Variants in LAMA4 observed in about 807,000 individuals in gnomAD.
LAMA4 encodes laminin subunit alpha-4.
LAMA4 carries 127 observed loss-of-function variants against 207.1 expected under a neutral mutation model. That is an observed-to-expected ratio of 0.61 (90% confidence interval 0.53 to 0.71). LAMA4 has a LOEUF of 0.71. Among genes scored for constraint, LAMA4 ranks in the 30% least tolerant of loss-of-function variants. LAMA4 has a pLI of 0.00. For missense variants in LAMA4, 2,093 were observed against 2,246.5 expected (o/e 0.93, Z 1.38); for synonymous variants, 761 against 816.0 (o/e 0.93, Z 1.15).
intron 31 of LAMA4, among the ~76,000 whole-genome samples, chr6:112,124,576 A>G (rs1554327005): frequency 6.6e-6 from 1 of 152,090 alleles, no homozygotes. Flanking sequence ...GTGATTCTCA[A>G]TGAACTCCAC....
rs782762721 is a variant in LAMA4, at chr6:112,155,714, T to C, written c.1818-8A>G. On this transcript the variant is annotated splice_region_variant and splice_polypyrimidine_tract_variant and intron_variant, in intron 14 of 38. Coordinates refer to ENST00000230538, the MANE Select transcript of LAMA4 (RefSeq NM_001105206.3). ...TCTGAACTGTGCAACTTCCTGTTAA[T>C]AAACAAACATTGTTATTTCTCCTTC... The C allele has an allele frequency of 3.1e-6, 5 of 1,613,970 alleles. No individual in the cohort carries two copies. Among genetic ancestry groups the C allele is most frequent in the East Asian group, 2.2e-5 (1 of 44,884 alleles).
At chr6:112,179,789 C>A in intron 9 of LAMA4, 1 of 345,078 alleles carries the variant, frequency 2.9e-6, no homozygotes, top group Non-Finnish European at 5.9e-6. Context: ...GGGTAATCCC[C>A]TCCCTACAGA....
At chr6:112,163,482 T>C (rs1781199396) in intron 13 of LAMA4, among the ~76,000 whole-genome samples, 1 of 152,084 alleles carries the variant, frequency 6.6e-6, no homozygotes, top group African/African-American at 2.4e-5. Context: ...GTAGAGGCCA[T>C]GAGCGGTACC....
chr6:112,120,983 A>C (rs1778324197), intron 32 of LAMA4, among the ~76,000 whole-genome samples: 1 of 152,120 alleles, frequency 6.6e-6, no homozygotes, highest in Non-Finnish European at 1.5e-5. Context: ...CTAAGGTGGG[A>C]AGATCACTTG....
chr6:112,238,480 C>A (rs1407602757), intron 2 of LAMA4, among the ~76,000 whole-genome samples: 1 of 152,056 alleles, frequency 6.6e-6, no homozygotes, highest in Non-Finnish European at 1.5e-5. Context: ...GAGGCCGAGA[C>A]GGTTGGATCA....
Position 112,224,078 on chromosome 6 carries a change from T to C in LAMA4, c.196-7609A>G, listed in dbSNP as rs73546237. Among the ~76,000 whole-genome samples, 1,245 of 152,304 alleles carry C rather than the reference T, an allele frequency of 8.2e-3. 26 individuals are homozygous for C. Among genetic ancestry groups the C allele is most frequent in the African/African-American group, 0.028 (1,156 of 41,566 alleles). On this transcript the variant is annotated intron_variant, in intron 2 of 38. Transcript: ENST00000230538. ...TCCACGCATCTCTGGCCATCACACC[T>C]GGCCCCATCATCTGGCCTTCCTCTC...
At chr6:112,220,116 CAT>C (rs1554360065) in intron 2 of LAMA4, among the ~76,000 whole-genome samples, 1 of 152,118 alleles carries the variant, frequency 6.6e-6, no homozygotes, top group Non-Finnish European at 1.5e-5. Flanking sequence ...CTTAAAAATA[CAT>C]AGTTATTAAT....
At chr6:112,121,711 A>G (rs1005030062) in intron 32 of LAMA4, 1 of 363,440 alleles carries the variant, frequency 2.8e-6, no homozygotes, top group Non-Finnish European at 5.3e-6. Flanking sequence ...GGGGATATCA[A>G]TGTTAGATGA....
In LAMA4 at chr6:112,187,492, A is replaced by G. The variant is rs143580603; in HGVS notation, c.924T>C (p.His308=). Residue 308 remains histidine (H), a synonymous_variant, in exon 8 of 39, where the codon CAT becomes CAC. Coordinates refer to ENST00000230538, the MANE Select transcript of LAMA4 (RefSeq NM_001105206.3). ...VLSVSSGAAA[H]RHVNEINATI... is the part of the protein sequence containing the mutation. ...TGGCGTTGATTTCATTCACGTGCCT[A>G]TGAGCGGCGGCCCCAGAGGATACGC... 4,429 of 1,614,066 alleles carry G rather than the reference A, an allele frequency of 2.7e-3. 12 individuals are homozygous for G. Among genetic ancestry groups the G allele is most frequent in the Middle Eastern group, 3.6e-3 (22 of 6,062 alleles).
Position 112,149,263 on chromosome 6 carries a change from A to C in LAMA4, c.2174-927T>G, listed in dbSNP as rs1780228700. 2.6e-5 allele frequency among the ~76,000 whole-genome samples: 4 copies of C among 152,134 alleles called. No homozygotes were observed. The South Asian group carries it at 8.3e-4, about 31-fold the overall frequency. On this transcript the variant is annotated intron_variant, in intron 17 of 38. Transcript: ENST00000230538. ...GCTTCTTACTGGCTGTGCCTGTTGC[A>C]GCAAGTTCCCTAACCTTCATGAACC...
intron 8 of LAMA4, among the ~76,000 whole-genome samples, chr6:112,185,995 T>C (rs1315685462): frequency 6.6e-6 from 1 of 152,240 alleles, no homozygotes; most frequent in Non-Finnish European, 1.5e-5. Flanking sequence ...AGTGTCTTCA[T>C]GTGTTCCAAC....
Position 112,172,745 on chromosome 6 carries a change from C to CAGGAAACAGA in LAMA4, c.1407_1416dup (p.Val473SerfsTer11). ...TAGTCATCCAGCTGCTCCAGGACGA[C>CAGGAAACAGA]AGGAAACAGAGTGCGGGTCTCATTG... On this transcript the variant is annotated frameshift_variant, in exon 12 of 39. Coordinates refer to ENST00000230538, the MANE Select transcript of LAMA4 (RefSeq NM_001105206.3). LOFTEE classifies it high-confidence loss of function. The CAGGAAACAGA allele has an allele frequency of 6.2e-7, 1 of 1,614,070 alleles. No homozygotes were observed.
Position 112,158,805 on chromosome 6 carries a change from G to A in LAMA4, c.1744C>T (p.Leu582Phe). 6.2e-7 allele frequency: 1 copy of A among 1,612,412 alleles called. No individual in the cohort carries two copies. The highest frequency in any genetic ancestry group is 8.5e-7 in the Non-Finnish European group (1 of 1,178,520). Reference protein sequence around the residue: ...LQVKLSNLSNLSHDLVQEAID... With the variant: ...LQVKLSNLSNFSHDLVQEAID... The stretch of plus-strand genomic sequence containing the variant: ...GCTTCTTGGACTAAATCATGGCTGA[G>A]GTTACTTAGGTTAGATAGTTTTACT... The change falls in exon 14 of 39, where the codon CTC (leucine) becomes TTC (phenylalanine). Residue 582 changes from leucine (L) to phenylalanine (F), a missense_variant. Leu to Phe is a conservative substitution (Grantham distance 22). Around this residue, in one of 3 missense-constraint regions of LAMA4, gnomAD observed 1,704 missense variants for 1,788.4 expected, o/e 0.95. Coordinates refer to ENST00000230538, the MANE Select transcript of LAMA4 (RefSeq NM_001105206.3).
At chr6:112,131,130 G>A in intron 28 of LAMA4, 29 bp from the exon 29 acceptor site, 2 of 1,609,620 alleles carry the variant, frequency 1.2e-6, no homozygotes, top group Non-Finnish European at 1.7e-6. Flanking sequence ...CATGTAAGTA[G>A]GGAGTCTAGG....
In LAMA4 at chr6:112,239,986, G is replaced by T. The variant is rs1336444317; in HGVS notation, c.195+13970C>A. ...CAGGAGGATGGCGTGAACCCGGGAG[G>T]CGGAGCTTGCAGTGAGCCTAGGTCG... On this transcript the variant is annotated intron_variant, in intron 2 of 38. Coordinates refer to ENST00000230538, the MANE Select transcript of LAMA4 (RefSeq NM_001105206.3). Among the ~76,000 whole-genome samples the T allele has an allele frequency of 6.6e-5, 10 of 152,082 alleles. No individual in the cohort carries two copies. In the East Asian group the frequency reaches 1.9e-3, roughly 29 times the overall value.
intron 6 of LAMA4, among the ~76,000 whole-genome samples, chr6:112,190,944 T>TTCCTTCCTTCC (rs1562714768): frequency 4.8e-5 from 2 of 41,626 alleles, no homozygotes; most frequent in African/African-American, 1.9e-4. Context: ...TCTTTCTTTC[T>TTCCTTCCTTCC]TTCCTTTCTT....
chr6:112,187,384 A>G, intron 8 of LAMA4, 66 bp downstream of exon 8: 1 of 1,583,172 alleles, frequency 6.3e-7, no homozygotes. Context: ...GGTAGAAGGA[A>G]TTACTAGCTG....
chr6:112,214,059 T>C, intron 3 of LAMA4: 3 of 761,894 alleles, frequency 3.9e-6, no homozygotes, highest in Non-Finnish European at 4.9e-6. Flanking sequence ...CTGGGTCTTC[T>C]CCGTCAGTAG....
chr6:112,157,156 C>T (rs1028186358), intron 14 of LAMA4, among the ~76,000 whole-genome samples: 9 of 152,010 alleles, frequency 5.9e-5, no homozygotes, highest in Non-Finnish European at 1.5e-5. Context: ...AGAAAATGGC[C>T]TCAGATAGCA....
Sources: gnomAD v4.1 joint callset for allele counts (sites outside exome capture counted in the v4.1 genomes callset) on GRCh38, gnomAD v4.1.1 for gene constraint, gnomAD v4.1.1 regional missense constraint, MANE v1.5 for transcripts, NCBI Gene and HGNC (gene_info 2026-07-23, HGNC 2026-07-21) for gene names.